Variants in DMD observed in about 807,000 individuals in gnomAD.
The protein encoded by DMD is mutant dystrophin.
A neutral mutation model predicts 330.1 loss-of-function variants in DMD; 63 were observed. The observed-to-expected ratio is 0.19, with a 90% CI of 0.16 to 0.24. The LOEUF is 0.24. DMD is among the 10% of genes least tolerant of loss of function. DMD has a pLI of 1.00. For synonymous variants in DMD, 1,223 were observed against 959.8 expected, an observed-to-expected ratio of 1.27 and a Z score of -5.07; for missense variants, 3,344 against 2,684.1, an observed-to-expected ratio of 1.25 and a Z score of -5.43.
intron 62 of DMD, among the ~76,000 whole-genome samples, chrX:31,288,880 T>C (rs760129262): frequency 7.1e-5 from 8 of 112,068 alleles, no homozygotes; most frequent in African/African-American, 9.7e-5. Context: ...AAATGAATAA[T>C]CATATAATAG....
intron 1 of DMD, among the ~76,000 whole-genome samples, chrX:33,113,416 A>T (rs1423095562): frequency 1.8e-5 from 2 of 112,147 alleles, no homozygotes; most frequent in Non-Finnish European, 3.8e-5. Flanking sequence ...AATTGGGGAA[A>T]AAAATAGTTT....
chrX:33,133,016 A>G (rs2095507837), intron 1 of DMD, among the ~76,000 whole-genome samples: 1 of 112,094 alleles, frequency 8.9e-6, no homozygotes, highest in African/African-American at 3.2e-5. Context: ...AATGATGCAT[A>G]CAAAATAAGC....
At chrX:31,518,663 TG>T (rs1387473045) in intron 55 of DMD, among the ~76,000 whole-genome samples, 2 of 107,398 alleles carry the variant, frequency 1.9e-5, no homozygotes, top group Admixed American at 1.0e-4. Context: ...TGATGAGGGG[TG>T]GGGGTAGGGT....
At position 32,824,522 on chromosome X, in the gene DMD, C is replaced by A. The variant is rs972387592; in HGVS notation, c.265-1135G>T. Reference sequence around the variant, plus strand: ...GAAAGGGTAGCATACTGTATGAATCCGTATCTATGAGAGTCTTGAAAAGAC... The same window carrying A: ...GAAAGGGTAGCATACTGTATGAATCAGTATCTATGAGAGTCTTGAAAAGAC... On this transcript the variant is annotated intron_variant, in intron 4 of 78. Transcript: ENST00000357033. Among the ~76,000 whole-genome samples the A allele has an allele frequency of 3.2e-4, 36 of 111,530 alleles. No individual in the cohort carries two copies. The Admixed American group carries it at 3.4e-3, about 11-fold the overall frequency.
intron 32 of DMD, among the ~76,000 whole-genome samples, chrX:32,388,785 A>G (rs918524760): frequency 9.0e-6 from 1 of 110,911 alleles, no homozygotes; most frequent in African/African-American, 3.3e-5. Context: ...TAGAGTTATA[A>G]TAATACTTAT....
chrX:32,693,454 G>T (rs1209437087), intron 9 of DMD, among the ~76,000 whole-genome samples: 1 of 111,761 alleles, frequency 8.9e-6, no homozygotes, highest in African/African-American at 3.3e-5. Flanking sequence ...TCAGGGTAGT[G>T]TTTTGAGACC....
chrX:32,179,275 T>TGAG (rs1206950716), intron 44 of DMD, among the ~76,000 whole-genome samples: 4 of 111,319 alleles, frequency 3.6e-5, no homozygotes, highest in Non-Finnish European at 7.5e-5. Context: ...ATTTTCTTTT[T>TGAG]GAGAAACTGT....
intron 55 of DMD, among the ~76,000 whole-genome samples, chrX:31,553,748 C>T (rs1452336269): frequency 8.9e-6 from 1 of 112,367 alleles, no homozygotes; most frequent in Non-Finnish European, 1.9e-5. Context: ...ACTTAGAAAT[C>T]ATACAGGATT....
At chrX:32,033,601 GACA>G (rs2095905397) in intron 44 of DMD, among the ~76,000 whole-genome samples, 1 of 32,844 alleles carries the variant, frequency 3.0e-5, no homozygotes, top group Non-Finnish European at 5.3e-5. Flanking sequence ...CAGACAGACA[GACA>G]GAAAGAAAGA....
At chrX:32,727,378 C>A (rs992766347) in intron 7 of DMD, among the ~76,000 whole-genome samples, 2 of 110,862 alleles carry the variant, frequency 1.8e-5, no homozygotes, top group Non-Finnish European at 3.8e-5. Context: ...TTTCACGAGA[C>A]CATTGAGTTT....
intron 2 of DMD, among the ~76,000 whole-genome samples, chrX:32,886,234 G>A (rs772026150): frequency 1.8e-5 from 2 of 108,337 alleles, no homozygotes; most frequent in East Asian, 5.8e-4. Context: ...TATACCAAGT[G>A]GTTTATAAAA....
chrX:32,405,279 A>G (rs1363895354), intron 30 of DMD, among the ~76,000 whole-genome samples: 2 of 111,818 alleles, frequency 1.8e-5, no homozygotes, highest in South Asian at 3.7e-4. Context: ...TTAGGTGCCA[A>G]AACTAAACTC....
intron 2 of DMD, among the ~76,000 whole-genome samples, chrX:32,997,995 G>A (rs935067608): frequency 9.0e-6 from 1 of 111,196 alleles, no homozygotes; most frequent in African/African-American, 3.3e-5. Flanking sequence ...TATACATGAG[G>A]TGTGTATGTT....
intron 53 of DMD, among the ~76,000 whole-genome samples, chrX:31,677,504 G>T (rs988073949): frequency 1.8e-5 from 2 of 112,171 alleles, no homozygotes; most frequent in African/African-American, 6.5e-5. Flanking sequence ...AGAAGAAAAA[G>T]AAGTAGCATA....
chrX:32,955,369 C>T lies in DMD; in HGVS notation c.93+64770G>A, dbSNP rs964738553. On this transcript the variant is annotated intron_variant, in intron 2 of 78. Transcript: ENST00000357033. The stretch of plus-strand genomic sequence containing the variant: ...GAGAAGTGTCTGTTCATGCCCTTTG[C>T]CCACTTTTTTAGTAGGGTTTTTTTT... 8.8e-5 allele frequency among the ~76,000 whole-genome samples: 5 copies of T among 56,792 alleles called. No individual in the cohort carries two copies. In the East Asian group the frequency reaches 2.7e-3, roughly 30 times the overall value. 49.3% of individuals were successfully genotyped at this position (56,792 alleles called of 115,157 possible). A position where few individuals can be genotyped will look rare whatever the true frequency, so the allele number is the denominator to read the frequency against.
chrX:32,690,242 T>A (rs760713135), intron 9 of DMD, among the ~76,000 whole-genome samples: 1 of 111,084 alleles, frequency 9.0e-6, no homozygotes, highest in South Asian at 3.7e-4. Flanking sequence ...TTAGTTGAGT[T>A]TCTAGGAGAC....
At chrX:31,946,526 T>C (rs2095089348) in intron 45 of DMD, among the ~76,000 whole-genome samples, 1 of 111,853 alleles carries the variant, frequency 8.9e-6, no homozygotes, top group Non-Finnish European at 1.9e-5. Flanking sequence ...ACAGATGAAC[T>C]TAGGGAGTCT....
chrX:31,773,956 A>G lies in DMD; in HGVS notation c.7542+4T>C, dbSNP rs1256179538. On this transcript the variant is annotated splice_donor_region_variant and intron_variant, in intron 51 of 78. Transcript: ENST00000357033. ...CTGCCAACTTTTATCATTTTTTCTC[A>G]TACCTTCTGCTTGATGATCATCTCG... 8.3e-7 allele frequency: 1 copy of G among 1,201,548 alleles called. No homozygotes were observed. Among genetic ancestry groups the G allele is most frequent in the Admixed American group, 2.2e-5 (1 of 45,677 alleles).
chrX:32,330,959 C>A (rs2097676423), intron 41 of DMD, among the ~76,000 whole-genome samples: 1 of 111,373 alleles, frequency 9.0e-6, no homozygotes, highest in African/African-American at 3.3e-5. Flanking sequence ...CCCCCATCAT[C>A]AAAGAAAATC....
Sources: allele counts gnomAD v4.1 joint callset (sites outside exome capture counted in the v4.1 genomes callset), GRCh38; gene constraint gnomAD v4.1.1; transcripts MANE v1.5; gene names NCBI Gene and HGNC (gene_info 2026-07-23, HGNC 2026-07-21).